DIP2C: variants seen among roughly 807,000 people sequenced by gnomAD.
DIP2C encodes DIP2 acetate--CoA ligase C (putative), also known as disco-interacting protein 2 homolog C.
Under a neutral mutation model 192.4 loss-of-function variants are expected in DIP2C, and 33 were observed. That is an observed-to-expected ratio of 0.17 (90% confidence interval 0.13 to 0.23). The LOEUF is 0.23. Ranked by LOEUF, DIP2C falls within the 10% of genes least tolerant of loss-of-function variation. The pLI, the probability that DIP2C is intolerant of heterozygous loss-of-function variation, is 1.00. For missense variants in DIP2C, 1,537 were observed against 2,110.1 expected, an observed-to-expected ratio of 0.73 and a Z score of 5.32; for synonymous variants, 979 against 864.1, an observed-to-expected ratio of 1.13 and a Z score of -2.33.
chr10:498,869 T>C (rs1845036705), intron 1 of DIP2C, among the ~76,000 whole-genome samples: 1 of 152,154 alleles, frequency 6.6e-6, no homozygotes, highest in African/African-American at 2.4e-5. Flanking sequence ...TGCCAGCTAA[T>C]TATAGATAAA....
Position 363,860 on chromosome 10 carries a change from A to G in DIP2C, c.2477+514T>C, listed in dbSNP as rs1369854002. 6.6e-6 allele frequency among the ~76,000 whole-genome samples: 1 copy of G among 152,198 alleles called. No homozygotes were observed. Among genetic ancestry groups the G allele is most frequent in the Non-Finnish European group, 1.5e-5 (1 of 68,030 alleles). ...TGCTCCCATCAGCTTCCAAACTGAA[A>G]AAAGGCTCTAAAACACTTTATGACT... On this transcript the variant is annotated intron_variant, in intron 20 of 36. Coordinates refer to ENST00000280886, the MANE Select transcript of DIP2C (RefSeq NM_014974.3). This position sits in a 1 kb window ranked among gnomAD's most constrained non-coding sequence, Gnocchi z 5.4.
At chr10:458,538 C>T (rs1466914654) in intron 3 of DIP2C, among the ~76,000 whole-genome samples, 2 of 151,580 alleles carry the variant, frequency 1.3e-5, no homozygotes, top group African/African-American at 2.4e-5. Context: ...TACATTCCTG[C>T]GTCACCGGCA....
At chr10:429,914 C>T (rs949379695) in intron 4 of DIP2C, among the ~76,000 whole-genome samples, 1 of 152,084 alleles carries the variant, frequency 6.6e-6, no homozygotes, top group Non-Finnish European at 1.5e-5. Flanking sequence ...AGTGTAATTC[C>T]TAGATCATAT....
intron 1 of DIP2C, among the ~76,000 whole-genome samples, chr10:548,847 G>A (rs986814838): frequency 3.5e-4 from 45 of 130,188 alleles, no homozygotes; most frequent in African/African-American, 1.1e-3. Context: ...TTTAAAGCAC[G>A]GTACAAATAT....
chr10:390,469 A>G, intron 11 of DIP2C, 96 bp from the exon 12 acceptor site: 1 of 1,238,188 alleles, frequency 8.1e-7, no homozygotes, highest in South Asian at 1.2e-5. Flanking sequence ...AAACACGTCA[A>G]CTAGATCGAA....
At position 561,897 on chromosome 10, in the gene DIP2C, G is replaced by A. The variant is rs78562761; in HGVS notation, c.86-75367C>T. Among the ~76,000 whole-genome samples, 1,419 of 152,288 alleles carry A rather than the reference G, an allele frequency of 9.3e-3. 27 individuals are homozygous for A. Among genetic ancestry groups the A allele is most frequent in the African/African-American group, 0.032 (1,338 of 41,540 alleles). ...AGCCAAGGCCATCTGCACGAGTCAC[G>A]CGTGACAGCTCTAGCCCCACCTTCG... On this transcript the variant is annotated intron_variant, in intron 1 of 36. Coordinates refer to ENST00000280886, the MANE Select transcript of DIP2C (RefSeq NM_014974.3).
chr10:675,210 TAAG>T (rs1353035353), intron 1 of DIP2C, among the ~76,000 whole-genome samples: 7 of 151,676 alleles, frequency 4.6e-5, no homozygotes, highest in African/African-American at 1.7e-4. Context: ...ATGAAGAAAT[TAAG>T]AAGGAAATTT....
intron 3 of DIP2C, among the ~76,000 whole-genome samples, chr10:444,480 C>G: frequency 6.6e-6 from 1 of 152,080 alleles, no homozygotes; most frequent in Non-Finnish European, 1.5e-5. Flanking sequence ...ATGGTGTTCA[C>G]TCAAGAGACA....
At chr10:320,616 CT>C (rs2132389989) in intron 31 of DIP2C, among the ~76,000 whole-genome samples, 1 of 152,056 alleles carries the variant, frequency 6.6e-6, no homozygotes, top group South Asian at 2.1e-4. Context: ...GAGGGAGATT[CT>C]TTCATAAAGC....
chr10:601,972 C>A (rs987761300), intron 1 of DIP2C, among the ~76,000 whole-genome samples: 1 of 151,178 alleles, frequency 6.6e-6, no homozygotes, highest in Non-Finnish European at 1.5e-5. Context: ...ACTTATGAGG[C>A]AGAGAATGGG....
At chr10:281,103 T>G (rs545921913) in intron 36 of DIP2C, 97 bp downstream of exon 36, 2 of 1,538,946 alleles carry the variant, frequency 1.3e-6, no homozygotes, top group South Asian at 2.4e-5. Flanking sequence ...CTTCCCTACC[T>G]TAACAAAACT....
rs188260071 is a variant in DIP2C, at chr10:411,397, G to A, written c.1058-2380C>T. On this transcript the variant is annotated intron_variant, in intron 8 of 36. Coordinates refer to ENST00000280886, the MANE Select transcript of DIP2C (RefSeq NM_014974.3). ...TGAAATGCCACGGGTAGTCTAAAGT[G>A]GAAAACAGAATGATGTTTTACAAGT... Among the ~76,000 whole-genome samples the A allele has an allele frequency of 2.0e-3, 311 of 152,264 alleles. 1 individual carries two copies. Among genetic ancestry groups the A allele is most frequent in the Middle Eastern group, 0.014 (4 of 294 alleles).
Position 501,310 on chromosome 10 carries a change from C to A in DIP2C, c.86-14780G>T, listed in dbSNP as rs182698650. On this transcript the variant is annotated intron_variant, in intron 1 of 36. Coordinates refer to ENST00000280886, the MANE Select transcript of DIP2C (RefSeq NM_014974.3). ...ATCTTGCCCAACCTTTATTAAGTGG[C>A]AATAATTAAGAATATACTTTATTTA... Among the ~76,000 whole-genome samples, 416 of 139,164 alleles carry A rather than the reference C, an allele frequency of 3.0e-3. 1 individual carries two copies. The highest frequency in any genetic ancestry group is 5.8e-3 in the Non-Finnish European group (346 of 60,122). 91.3% of individuals were successfully genotyped at this position (139,164 alleles called of 152,430 possible).
At chr10:591,307 TAG>T (rs773435711) in intron 1 of DIP2C, among the ~76,000 whole-genome samples, 2 of 152,098 alleles carry the variant, frequency 1.3e-5, no homozygotes, top group Non-Finnish European at 2.9e-5. Flanking sequence ...ATATTTTCAG[TAG>T]AGACAGGGTT....
intron 1 of DIP2C, among the ~76,000 whole-genome samples, chr10:643,915 T>C (rs1452247028): frequency 6.6e-6 from 1 of 152,236 alleles, no homozygotes; most frequent in East Asian, 1.9e-4. Context: ...GGAAAAAGTG[T>C]ATGGAAGAGG....
chr10:635,230 T>C (rs1854762920), intron 1 of DIP2C, among the ~76,000 whole-genome samples: 1 of 152,144 alleles, frequency 6.6e-6, no homozygotes, highest in African/African-American at 2.4e-5. Flanking sequence ...ACAAGGCAAA[T>C]CCACCTGTGA....
intron 24 of DIP2C, among the ~76,000 whole-genome samples, chr10:353,504 TC>T (rs144423992): frequency 0.033 from 4,954 of 152,234 alleles, 240 homozygotes; most frequent in African/African-American, 0.11. Flanking sequence ...CTCTCGTGCT[TC>T]CAGCCTCCCA....
At chr10:538,490 C>T (rs1196212670) in intron 1 of DIP2C, among the ~76,000 whole-genome samples, 3 of 152,186 alleles carry the variant, frequency 2.0e-5, no homozygotes, top group Admixed American at 2.0e-4. Context: ...TAAACAGGTG[C>T]CACAATCCTG....
At chr10:453,051 G>C (rs751588407) in intron 3 of DIP2C, among the ~76,000 whole-genome samples, 4 of 152,252 alleles carry the variant, frequency 2.6e-5, no homozygotes, top group Non-Finnish European at 5.9e-5. Flanking sequence ...TGTGAGAAGA[G>C]CTCATAAGAT....
Sources: gnomAD v4.1 joint callset for allele counts (sites outside exome capture counted in the v4.1 genomes callset) on GRCh38, gnomAD v4.1.1 for gene constraint, Gnocchi (gnomAD v3.1) non-coding constraint, MANE v1.5 for transcripts, NCBI Gene and HGNC (gene_info 2026-07-23, HGNC 2026-07-21) for gene names.